GALNTL6: variants seen among roughly 807,000 people sequenced by gnomAD.
GALNTL6 encodes the protein polypeptide N-acetylgalactosaminyltransferase like 6, also known as polypeptide N-acetylgalactosaminyltransferase-like 6.
In GALNTL6, 46 loss-of-function variants were observed where a neutral mutation model predicts 73.7. The observed-to-expected ratio is 0.62, with a 90% CI of 0.49 to 0.80. The LOEUF (loss-of-function observed/expected upper bound fraction) is 0.80, where lower values mean the gene tolerates loss of function less well. Ranked by LOEUF, GALNTL6 falls within the 30% of genes least tolerant of loss-of-function variation. The pLI is 0.00. For missense variants in GALNTL6, 604 were observed against 755.0 expected (o/e 0.80, Z 2.34); for synonymous variants, 259 against 263.7 (o/e 0.98, Z 0.17).
chr4:172,061,920 CT>C (rs1417733895), intron 2 of GALNTL6, among the ~76,000 whole-genome samples: 1 of 141,174 alleles, frequency 7.1e-6, no homozygotes, highest in Non-Finnish European at 1.5e-5. Flanking sequence ...CCATTCCCTG[CT>C]TTTGAGCTTG....
At chr4:172,040,919 A>G (rs1243069569) in intron 2 of GALNTL6, among the ~76,000 whole-genome samples, 2 of 152,064 alleles carry the variant, frequency 1.3e-5, no homozygotes, top group African/African-American at 4.8e-5. Flanking sequence ...AATACCTACA[A>G]TATCATTTGT....
intron 3 of GALNTL6, among the ~76,000 whole-genome samples, chr4:172,290,702 G>T (rs1464004431): frequency 6.6e-6 from 1 of 151,460 alleles, no homozygotes; most frequent in Non-Finnish European, 1.5e-5. Flanking sequence ...CATTTGGTGG[G>T]ATATAATATA....
intron 5 of GALNTL6, among the ~76,000 whole-genome samples, chr4:172,745,379 T>G (rs1737049711): frequency 6.6e-6 from 1 of 151,300 alleles, no homozygotes; most frequent in Admixed American, 6.6e-5. Flanking sequence ...TAGTGGTTAT[T>G]ATTACTAGGT....
At chr4:172,899,740 G>A (rs2111235984) in intron 8 of GALNTL6, among the ~76,000 whole-genome samples, 1 of 152,304 alleles carries the variant, frequency 6.6e-6, no homozygotes, top group South Asian at 2.1e-4. Context: ...CATAGGCAGA[G>A]CAGCCCCAAG....
chr4:172,273,944 G>A (rs1387603588), intron 3 of GALNTL6, among the ~76,000 whole-genome samples: 1 of 152,190 alleles, frequency 6.6e-6, no homozygotes, highest in East Asian at 1.9e-4. Flanking sequence ...TACACATGGT[G>A]ATGACATGCA....
intron 3 of GALNTL6, among the ~76,000 whole-genome samples, chr4:172,288,614 G>A (rs1359848814): frequency 6.6e-6 from 1 of 152,054 alleles, no homozygotes; most frequent in Non-Finnish European, 1.5e-5. Context: ...GTTTCCATAT[G>A]AACTGGAAGC....
intron 2 of GALNTL6, among the ~76,000 whole-genome samples, chr4:172,052,722 A>G (rs1287697948): frequency 1.3e-5 from 2 of 152,176 alleles, no homozygotes; most frequent in African/African-American, 4.8e-5. Flanking sequence ...GAATTGATTC[A>G]ACCTGACTTC....
intron 2 of GALNTL6, among the ~76,000 whole-genome samples, chr4:171,918,475 T>A (rs1737690715): frequency 6.6e-6 from 1 of 152,040 alleles, no homozygotes; most frequent in Admixed American, 6.6e-5. Context: ...CTAAGTGATA[T>A]CAGATGGTTA....
intron 5 of GALNTL6, among the ~76,000 whole-genome samples, chr4:172,748,188 C>T (rs920932905): frequency 6.6e-6 from 1 of 152,086 alleles, no homozygotes; most frequent in Admixed American, 6.5e-5. Context: ...ATAATTATTA[C>T]CTGTTTATTC....
At chr4:172,813,140 C>T (rs1741407341) in intron 6 of GALNTL6, among the ~76,000 whole-genome samples, 1 of 152,132 alleles carries the variant, frequency 6.6e-6, no homozygotes, top group South Asian at 2.1e-4. Context: ...TTGGAACCTC[C>T]AGAAAGCAGG....
chr4:172,742,064 T>G (rs924326752), intron 5 of GALNTL6, among the ~76,000 whole-genome samples: 1 of 152,038 alleles, frequency 6.6e-6, no homozygotes. Flanking sequence ...AAAACATCTC[T>G]CAGTTCTCTA....
At chr4:172,871,600 G>A (rs1344080063) in intron 7 of GALNTL6, among the ~76,000 whole-genome samples, 1 of 126,794 alleles carries the variant, frequency 7.9e-6, no homozygotes, top group Non-Finnish European at 1.7e-5. Flanking sequence ...GGGGGGGTGT[G>A]TGTGTGTGAG....
intron 11 of GALNTL6, among the ~76,000 whole-genome samples, chr4:173,009,728 C>A (rs775252332): frequency 6.4e-4 from 97 of 152,202 alleles, no homozygotes; most frequent in Non-Finnish European, 9.7e-4. Flanking sequence ...GAACAGATCA[C>A]TTTACATGGG....
At chr4:172,044,663 G>T (rs1038914260) in intron 2 of GALNTL6, among the ~76,000 whole-genome samples, 3 of 151,926 alleles carry the variant, frequency 2.0e-5, no homozygotes, top group South Asian at 4.1e-4. Flanking sequence ...GGAAAGAGAT[G>T]ATTTTAATTT....
chr4:172,800,201 G>A (rs1740551059), intron 5 of GALNTL6, among the ~76,000 whole-genome samples: 1 of 152,068 alleles, frequency 6.6e-6, no homozygotes, highest in Non-Finnish European at 1.5e-5. Context: ...ATGTGAATAT[G>A]CTTAACACTA....
intron 5 of GALNTL6, among the ~76,000 whole-genome samples, chr4:172,581,304 C>A (rs962214019): frequency 2.6e-5 from 4 of 152,182 alleles, no homozygotes; most frequent in African/African-American, 9.6e-5. Context: ...GTCCATTCTG[C>A]CTTGATGGAG....
chr4:171,920,434 G>A (rs1013886468), intron 2 of GALNTL6, among the ~76,000 whole-genome samples: 1 of 151,928 alleles, frequency 6.6e-6, no homozygotes. Context: ...AGGGAAATGT[G>A]TTTAATATTA....
At chr4:172,407,706 A>T (rs1744287399) in intron 5 of GALNTL6, among the ~76,000 whole-genome samples, 1 of 152,060 alleles carries the variant, frequency 6.6e-6, no homozygotes, top group Non-Finnish European at 1.5e-5. Flanking sequence ...TTGTGGGCTG[A>T]ATGATTACAT....
intron 7 of GALNTL6, 33 bp from the exon 8 acceptor site, chr4:172,882,757 A>G (rs766064121): frequency 3.8e-5 from 49 of 1,282,444 alleles, no homozygotes; most frequent in Non-Finnish European, 5.6e-5. Flanking sequence ...TAACGTTCAT[A>G]GTCCTTTAAA....
Sources: gnomAD v4.1 joint callset for allele counts (sites outside exome capture counted in the v4.1 genomes callset) on GRCh38, gnomAD v4.1.1 for gene constraint, MANE v1.5 for transcripts, NCBI Gene and HGNC (gene_info 2026-07-23, HGNC 2026-07-21) for gene names.